CYTH3: variants seen among roughly 807,000 people sequenced by gnomAD.
CYTH3 encodes the protein cytohesin-3.
A neutral mutation model predicts 55.1 loss-of-function variants in CYTH3; 23 were observed. The observed-to-expected ratio is 0.42, with a 90% CI of 0.30 to 0.59. The LOEUF (loss-of-function observed/expected upper bound fraction) is 0.59, where lower values mean the gene tolerates loss of function less well. Among genes scored for constraint, CYTH3 ranks in the 20% least tolerant of loss-of-function variants. The pLI is 0.20. For missense variants in CYTH3, 413 were observed against 524.8 expected, an observed-to-expected ratio of 0.79 and a Z score of 2.08; for synonymous variants, 249 against 194.9, an observed-to-expected ratio of 1.28 and a Z score of -2.31.
intron 1 of CYTH3, among the ~76,000 whole-genome samples, chr7:6,226,485 G>C (rs1779254090): frequency 6.6e-6 from 1 of 152,194 alleles, no homozygotes; most frequent in Non-Finnish European, 1.5e-5. Flanking sequence ...AGCTGGAGTA[G>C]AATCCATCTG....
chr7:6,207,505 C>T (rs1013519663), intron 1 of CYTH3, among the ~76,000 whole-genome samples: 2 of 152,128 alleles, frequency 1.3e-5, no homozygotes, highest in African/African-American at 4.8e-5. Context: ...TGGCACACAC[C>T]TGTAATCCCA....
At chr7:6,198,094 G>GAAAAAA (rs76022025) in intron 1 of CYTH3, among the ~76,000 whole-genome samples, 1 of 48,680 alleles carries the variant, frequency 2.1e-5, no homozygotes, top group Admixed American at 2.2e-4. Context: ...ACACTCTTAA[G>GAAAAAA]AAAAAAAAAA....
chr7:6,250,021 C>A (rs947508872), intron 1 of CYTH3, among the ~76,000 whole-genome samples: 2 of 152,228 alleles, frequency 1.3e-5, no homozygotes, highest in Non-Finnish European at 2.9e-5. Flanking sequence ...ACTTGCCCCC[C>A]ATCCCAGTCT....
chr7:6,196,233 G>A (rs187645396), intron 1 of CYTH3, among the ~76,000 whole-genome samples: 9 of 152,186 alleles, frequency 5.9e-5, no homozygotes, highest in African/African-American at 1.4e-4. Flanking sequence ...GAATGAATGC[G>A]CACCACACTT....
intron 1 of CYTH3, among the ~76,000 whole-genome samples, chr7:6,231,566 C>A (rs1031393285): frequency 6.6e-6 from 1 of 152,230 alleles, no homozygotes; most frequent in African/African-American, 2.4e-5. Flanking sequence ...ATTCAGCACA[C>A]TGGAGAAATG....
In CYTH3 at chr7:6,175,283, A is replaced by C. The variant is rs539484695; in HGVS notation, c.369-1550T>G. On this transcript the variant is annotated intron_variant, in intron 5 of 12. Coordinates refer to ENST00000350796, the MANE Select transcript of CYTH3 (RefSeq NM_004227.4). ...ATCTGTAACTGATGATTAGCTATGA[A>C]CACCACCATGCCCGGCCAGCCTTCA... Among the ~76,000 whole-genome samples, 313 of 152,178 alleles carry C rather than the reference A, an allele frequency of 2.1e-3. 3 individuals are homozygous for C. The highest frequency in any genetic ancestry group is 9.8e-3 in the South Asian group (47 of 4,816).
At chr7:6,196,266 A>C (rs1783924799) in intron 1 of CYTH3, among the ~76,000 whole-genome samples, 1 of 152,168 alleles carries the variant, frequency 6.6e-6, no homozygotes, top group African/African-American at 2.4e-5. Flanking sequence ...GAAGAAACAC[A>C]AAGAAATCGA....
At chr7:6,257,507 A>G (rs566338659) in intron 1 of CYTH3, among the ~76,000 whole-genome samples, 2 of 152,362 alleles carry the variant, frequency 1.3e-5, no homozygotes, top group East Asian at 3.9e-4. Flanking sequence ...GTTAAAATAC[A>G]CATAAAGATT....
intron 1 of CYTH3, among the ~76,000 whole-genome samples, chr7:6,253,232 T>C (rs2115050091): frequency 6.6e-6 from 1 of 151,910 alleles, no homozygotes; most frequent in South Asian, 2.1e-4. Flanking sequence ...TTTTTTTTTT[T>C]TTGAGACAGA....
chr7:6,188,931 G>T (rs2128543664), intron 2 of CYTH3: 1 of 152,290 alleles, frequency 6.6e-6, no homozygotes, highest in Non-Finnish European at 1.5e-5. Flanking sequence ...CAAATACAAA[G>T]ACATTTTTAT....
intron 4 of CYTH3, among the ~76,000 whole-genome samples, chr7:6,179,587 G>GAC (rs138381423): frequency 0.013 from 1,860 of 143,342 alleles, 25 homozygotes; most frequent in Middle Eastern, 0.054. Flanking sequence ...TTACAAGACA[G>GAC]ACACACACAC....
intron 1 of CYTH3, among the ~76,000 whole-genome samples, chr7:6,239,081 G>A (rs1779604844): frequency 6.6e-6 from 1 of 152,120 alleles, no homozygotes; most frequent in Non-Finnish European, 1.5e-5. Flanking sequence ...AAGCATGGTG[G>A]TACATGCCTG....
Position 6,236,179 on chromosome 7 carries a change from A to G in CYTH3, c.34+36295T>C, listed in dbSNP as rs186612558. ...AAGGGTTTTAGAAATGTTAATATAT[A>G]GGATATATTAACAGAAAATAACCCC... is the stretch of plus-strand genomic sequence containing the variant. On this transcript the variant is annotated intron_variant, in intron 1 of 12. Transcript: ENST00000350796. Among the ~76,000 whole-genome samples, 11 of 152,186 alleles carry G rather than the reference A, an allele frequency of 7.2e-5. No homozygotes were observed. In the East Asian group the frequency reaches 2.1e-3, roughly 29 times the overall value.
intron 1 of CYTH3, among the ~76,000 whole-genome samples, chr7:6,222,484 T>A (rs6962767): frequency 5.3e-5 from 8 of 151,974 alleles, no homozygotes; most frequent in Non-Finnish European, 7.4e-5. Context: ...TTTGGCTGGG[T>A]GCCTGTAATC....
intron 1 of CYTH3, among the ~76,000 whole-genome samples, chr7:6,199,985 T>G (rs371142187): frequency 1.3e-5 from 2 of 152,162 alleles, no homozygotes; most frequent in African/African-American, 2.4e-5. Context: ...TGCAATAATA[T>G]TAAGAAATTC....
intron 1 of CYTH3, among the ~76,000 whole-genome samples, chr7:6,250,788 C>T (rs1184763191): frequency 6.6e-6 from 1 of 152,122 alleles, no homozygotes; most frequent in Non-Finnish European, 1.5e-5. Context: ...TACTAAAAGC[C>T]ATTCAATTGT....
intron 4 of CYTH3, among the ~76,000 whole-genome samples, chr7:6,179,525 A>T (rs1783421416): frequency 6.6e-6 from 1 of 151,880 alleles, no homozygotes; most frequent in Non-Finnish European, 1.5e-5. Context: ...AACAATCCTA[A>T]ATCAATTCTC....
intron 1 of CYTH3, among the ~76,000 whole-genome samples, chr7:6,255,758 G>GTTTTTTTTTT (rs397889923): frequency 1.1e-5 from 1 of 89,418 alleles, no homozygotes; most frequent in African/African-American, 4.9e-5. Context: ...CCTTTAATCT[G>GTTTTTTTTTT]TTTTTTTTTT....
chr7:6,169,822 T>C lies in CYTH3; in HGVS notation c.823+713A>G, dbSNP rs890926492. Among the ~76,000 whole-genome samples the C allele has an allele frequency of 7.2e-5, 11 of 152,204 alleles. No homozygotes were observed. The South Asian group carries it at 1.2e-3, about 17-fold the overall frequency. ...GGCTGGCTGTCTGCTTCTCTACTGCTGCGGACCCCTAGAGACACAGGGTGG... is the reference window on the plus strand; with the variant it reads ...GGCTGGCTGTCTGCTTCTCTACTGCCGCGGACCCCTAGAGACACAGGGTGG... On this transcript the variant is annotated intron_variant, in intron 9 of 12. Coordinates refer to ENST00000350796, the MANE Select transcript of CYTH3 (RefSeq NM_004227.4). This position sits in a 1 kb window ranked among gnomAD's most constrained non-coding sequence, Gnocchi z 4.1.
Sources: gnomAD v4.1 joint callset for allele counts (sites outside exome capture counted in the v4.1 genomes callset) on GRCh38, gnomAD v4.1.1 for gene constraint, Gnocchi (gnomAD v3.1) non-coding constraint, MANE v1.5 for transcripts, NCBI Gene and HGNC (gene_info 2026-07-23, HGNC 2026-07-21) for gene names.